Variants in RIMS2 observed in about 807,000 individuals in gnomAD.
The protein encoded by RIMS2 is regulating synaptic membrane exocytosis 2.
A neutral mutation model predicts 174.4 loss-of-function variants in RIMS2; 59 were observed. The ratio of observed to expected loss-of-function variants is 0.34; its 90% CI spans 0.27 to 0.42. The LOEUF (loss-of-function observed/expected upper bound fraction) is 0.42, where lower values mean the gene tolerates loss of function less well. RIMS2 is among the 10% of genes least tolerant of loss of function. The pLI is 1.00. For synonymous variants in RIMS2, 606 were observed against 572.5 expected (o/e 1.06, Z -0.84); for missense variants, 1,620 against 1,666.3 (o/e 0.97, Z 0.48).
intron 19 of RIMS2, among the ~76,000 whole-genome samples, chr8:104,090,409 A>G (rs2097629751): frequency 6.6e-6 from 1 of 151,798 alleles, no homozygotes; most frequent in South Asian, 2.1e-4. Flanking sequence ...ACAGACCTAA[A>G]AAGACAAAGG....
chr8:103,815,503 A>G (rs2098713122), intron 3 of RIMS2, among the ~76,000 whole-genome samples: 1 of 152,188 alleles, frequency 6.6e-6, no homozygotes, highest in Admixed American at 6.5e-5. Context: ...CTAATAGAAC[A>G]TAAATAGAGA....
At chr8:104,182,546 C>T (rs773503558) in intron 19 of RIMS2, among the ~76,000 whole-genome samples, 22 of 151,744 alleles carry the variant, frequency 1.4e-4, no homozygotes, top group Admixed American at 6.6e-4. Context: ...ACCCATTCAT[C>T]CCTCCTCCCC....
chr8:104,163,953 C>A (rs1823168), intron 19 of RIMS2, among the ~76,000 whole-genome samples: 3 of 152,002 alleles, frequency 2.0e-5, no homozygotes, highest in African/African-American at 7.2e-5. Context: ...ACCACAGAGA[C>A]CCTCCAGGAA....
At chr8:103,678,761 C>A (rs2096844701) in intron 1 of RIMS2, among the ~76,000 whole-genome samples, 1 of 152,068 alleles carries the variant, frequency 6.6e-6, no homozygotes, top group Non-Finnish European at 1.5e-5. Context: ...AAAGATAATA[C>A]ATGCAATTAA....
intron 3 of RIMS2, among the ~76,000 whole-genome samples, chr8:103,787,631 C>T (rs950768394): frequency 4.5e-4 from 69 of 152,182 alleles, no homozygotes; most frequent in African/African-American, 1.5e-3. Context: ...GGGTTTCTGC[C>T]GAGAGATCTG....
intron 4 of RIMS2, among the ~76,000 whole-genome samples, chr8:103,899,254 G>A (rs1301179224): frequency 6.6e-6 from 1 of 151,680 alleles, no homozygotes; most frequent in Non-Finnish European, 1.5e-5. Context: ...GGATGGCTGG[G>A]TCAAATGGTA....
At chr8:104,016,824 G>A (rs1046529591) in intron 19 of RIMS2, among the ~76,000 whole-genome samples, 6 of 152,010 alleles carry the variant, frequency 3.9e-5, no homozygotes, top group African/African-American at 1.4e-4. Context: ...AGAAAACAGA[G>A]CCTATTGGTA....
At chr8:103,526,805 T>C (rs1834231146) in intron 1 of RIMS2, among the ~76,000 whole-genome samples, 2 of 151,484 alleles carry the variant, frequency 1.3e-5, no homozygotes, top group African/African-American at 4.9e-5. Context: ...ATAGTTGGAG[T>C]TTCAGAAGGA....
intron 19 of RIMS2, among the ~76,000 whole-genome samples, chr8:104,108,315 G>A (rs2098116089): frequency 6.6e-6 from 1 of 151,758 alleles, no homozygotes; most frequent in South Asian, 2.1e-4. Context: ...ATATCTCACT[G>A]CATGATCATA....
intron 19 of RIMS2, among the ~76,000 whole-genome samples, chr8:104,194,148 C>CTTT (rs566753723): frequency 2.0e-5 from 3 of 150,752 alleles, no homozygotes; most frequent in Admixed American, 2.0e-4. Context: ...TTTTTTCTTT[C>CTTT]TTTTTTTTTC....
At chr8:103,722,600 G>A (rs2097465253) in intron 2 of RIMS2, among the ~76,000 whole-genome samples, 1 of 152,148 alleles carries the variant, frequency 6.6e-6, no homozygotes, top group African/African-American at 2.4e-5. Context: ...GTAATGCAAG[G>A]CGGGGAGCTG....
intron 1 of RIMS2, among the ~76,000 whole-genome samples, chr8:103,617,664 G>C (rs1168170776): frequency 2.0e-5 from 3 of 151,658 alleles, no homozygotes; most frequent in Non-Finnish European, 4.4e-5. Flanking sequence ...ATTTATAAGA[G>C]AAAAACAAGC....
At chr8:104,245,023 G>C (rs1389572499) in exon 20 of RIMS2, 3 of 1,613,906 alleles carry the variant, frequency 1.9e-6, no homozygotes. Flanking sequence ...AGAGTCTACA[G>C]ATGGTAGCAT....
chr8:103,910,465 A>C, intron 5 of RIMS2: 1 of 1,596,752 alleles, frequency 6.3e-7, no homozygotes, highest in Non-Finnish European at 8.5e-7. Context: ...CCTCAGATTA[A>C]GGACTCTGGG....
intron 15 of RIMS2, among the ~76,000 whole-genome samples, chr8:103,964,669 T>C (rs1054898214): frequency 2.0e-5 from 3 of 152,210 alleles, no homozygotes; most frequent in Non-Finnish European, 4.4e-5. Context: ...TTTAATTTCA[T>C]TGAAATTCAG....
intron 2 of RIMS2, among the ~76,000 whole-genome samples, chr8:103,701,860 A>G (rs1398849490): frequency 1.3e-5 from 2 of 152,028 alleles, no homozygotes; most frequent in African/African-American, 4.8e-5. Context: ...GTGATTTCAT[A>G]TTTTGGCTAT....
At chr8:103,575,652 A>G (rs1463203289) in intron 1 of RIMS2, among the ~76,000 whole-genome samples, 1 of 142,936 alleles carries the variant, frequency 7.0e-6, no homozygotes, top group Non-Finnish European at 1.5e-5. Context: ...TATATAATTT[A>G]TATATATAAA....
chr8:103,786,771 T>C (rs1390306947), intron 3 of RIMS2, among the ~76,000 whole-genome samples: 1 of 152,242 alleles, frequency 6.6e-6, no homozygotes, highest in Non-Finnish European at 1.5e-5. Flanking sequence ...GAGAGTTCTG[T>C]AGATGTCTAT....
At chr8:104,190,168 G>A (rs557717594) in intron 19 of RIMS2, among the ~76,000 whole-genome samples, 1 of 152,130 alleles carries the variant, frequency 6.6e-6, no homozygotes, top group South Asian at 2.1e-4. Context: ...TGGATGTGGT[G>A]GTACATGGCT....
Sources: gnomAD v4.1 joint callset for allele counts (sites outside exome capture counted in the v4.1 genomes callset) on GRCh38, gnomAD v4.1.1 for gene constraint, MANE v1.5 for transcripts, NCBI Gene and HGNC (gene_info 2026-07-23, HGNC 2026-07-21) for gene names.